ZYG11B: variants seen among roughly 807,000 people sequenced by gnomAD.
ZYG11B encodes zyg-11 family member B, cell cycle regulator.
A neutral mutation model predicts 82.4 loss-of-function variants in ZYG11B; 36 were observed. That is an observed-to-expected ratio of 0.44 (90% CI 0.33 to 0.58). The LOEUF is 0.58. Among genes scored for constraint, ZYG11B ranks in the 20% least tolerant of loss-of-function variants. The pLI, the probability that ZYG11B is intolerant of heterozygous loss-of-function variation, is 0.02. For missense variants in ZYG11B, 552 were observed against 895.6 expected (o/e 0.62, Z 4.90); for synonymous variants, 303 against 312.8 (o/e 0.97, Z 0.33).
intron 13 of ZYG11B, among the ~76,000 whole-genome samples, chr1:52,816,874 C>CG (rs1645229299): frequency 6.6e-6 from 1 of 150,844 alleles, no homozygotes; most frequent in African/African-American, 2.4e-5. Context: ...CTGGAACCTC[C>CG]GCCTCCTGGG....
At position 52,803,277 on chromosome 1, in the gene ZYG11B, C is replaced by CATAT. The variant is rs1259677070; in HGVS notation, c.1695+1139_1695+1140insTATA. On this transcript the variant is annotated intron_variant, in intron 10 of 13. Coordinates refer to ENST00000294353, the MANE Select transcript of ZYG11B (RefSeq NM_024646.3). ...ATATATATATATATACACACACACACACATATATATATATATATATACACA... is the reference window on the plus strand; with the variant it reads ...ATATATATATATATACACACACACACATATACATATATATATATATATATACACA... Among the ~76,000 whole-genome samples, 136 of 106,156 alleles carry CATAT rather than the reference C, an allele frequency of 1.3e-3. 3 individuals carry two copies. The highest frequency in any genetic ancestry group is 5.1e-3 in the African/African-American group (131 of 25,788). The allele number at this position is 106,156 out of a possible 152,430, so 69.6% of individuals were successfully genotyped here.
In ZYG11B at chr1:52,768,903, C is replaced by T. The variant is rs139328543; in HGVS notation, c.197-2117C>T. On this transcript the variant is annotated intron_variant, in intron 2 of 13. Transcript: ENST00000294353. ...GCCACTGCACCTGGCCTACTAACCT[C>T]CTTTCTCTATCTTTGAATTCTTCCA... 5.1e-3 allele frequency among the ~76,000 whole-genome samples: 770 copies of T among 152,236 alleles called. 5 individuals are homozygous for T. The highest frequency in any genetic ancestry group is 8.7e-3 in the Non-Finnish European group (595 of 68,002).
chr1:52,786,141 A>G (rs72893501), intron 5 of ZYG11B, among the ~76,000 whole-genome samples: 182 of 152,376 alleles, frequency 1.2e-3, no homozygotes, highest in African/African-American at 4.2e-3. Flanking sequence ...GAGAGGATCA[A>G]TAATTCCAAG....
rs902078034 is a variant in ZYG11B at position 52,821,763 on chromosome 1, G to A, written c.*134G>A. On this transcript the variant is annotated 3_prime_UTR_variant, in exon 14 of 14. Transcript: ENST00000294353. ...AAAATCAGTTTGGGATTGATAATGT[G>A]TAGTACTGCCCATGTGAACAGTCTC... The A allele has an allele frequency of 6.8e-6, 5 of 735,880 alleles. No homozygotes were observed. In the Admixed American group the frequency reaches 1.2e-4, roughly 18 times the overall value. The allele number at this position is 735,880 out of a possible 1,614,324, so 45.6% of individuals were successfully genotyped here. A position where few individuals can be genotyped will look rare whatever the true frequency, so the allele number is the denominator to read the frequency against.
At position 52,807,481 on chromosome 1, in the gene ZYG11B, G is replaced by T. The variant is rs1046821332; in HGVS notation, c.1695+5342G>T. ...TAATAATAATGTATAGTTCAGAATT[G>T]CTAAGAGTACTTTTTTTTTTTTTTT... On this transcript the variant is annotated intron_variant, in intron 10 of 13. Coordinates refer to ENST00000294353, the MANE Select transcript of ZYG11B (RefSeq NM_024646.3). Among the ~76,000 whole-genome samples, 14 of 146,042 alleles carry T rather than the reference G, an allele frequency of 9.6e-5. No individual in the cohort carries two copies. The South Asian group carries it at 2.6e-3, about 27-fold the overall frequency.
chr1:52,781,797 A>G (rs1644858818), intron 4 of ZYG11B, among the ~76,000 whole-genome samples: 1 of 152,224 alleles, frequency 6.6e-6, no homozygotes, highest in African/African-American at 2.4e-5. Flanking sequence ...TTGATATCCT[A>G]CATATCTTAA....
chr1:52,796,453 TC>T, intron 7 of ZYG11B, 62 bp downstream of exon 7: 1 of 1,362,264 alleles, frequency 7.3e-7, no homozygotes, highest in Non-Finnish European at 1.0e-6. Flanking sequence ...ATTTACTGTT[TC>T]CCCCCAAAAG....
chr1:52,818,982 C>T (rs566378311), intron 13 of ZYG11B, among the ~76,000 whole-genome samples: 1 of 152,060 alleles, frequency 6.6e-6, no homozygotes, highest in South Asian at 2.1e-4. Flanking sequence ...TTAGTAGAGG[C>T]TGGGTTTCAC....
In ZYG11B at chr1:52,763,367, C is replaced by T. The variant is rs147869265; in HGVS notation, c.196+6744C>T. 6.9e-4 allele frequency among the ~76,000 whole-genome samples: 105 copies of T among 152,270 alleles called. 1 individual carries two copies. In the East Asian group the frequency reaches 0.02, roughly 29 times the overall value. On this transcript the variant is annotated intron_variant, in intron 2 of 13. Coordinates refer to ENST00000294353, the MANE Select transcript of ZYG11B (RefSeq NM_024646.3). ...TATTTTGATAGGAATTGCATTGCATCTGTAGATTGCTTTAAGTAGTATGTA... is the reference window on the plus strand; with the variant it reads ...TATTTTGATAGGAATTGCATTGCATTTGTAGATTGCTTTAAGTAGTATGTA...
At chr1:52,750,622 A>G (rs1004169368) in intron 1 of ZYG11B, among the ~76,000 whole-genome samples, 1 of 152,124 alleles carries the variant, frequency 6.6e-6, no homozygotes, top group Admixed American at 6.6e-5. Flanking sequence ...TTCACATACC[A>G]TGCATTTCAC....
chr1:52,729,286 G>T (rs1644310532), intron 1 of ZYG11B, among the ~76,000 whole-genome samples: 2 of 151,398 alleles, frequency 1.3e-5, no homozygotes, highest in African/African-American at 4.9e-5. Flanking sequence ...CCATTACCTT[G>T]GGGGTTAGGA....
chr1:52,815,921 C>A (rs555993929), intron 12 of ZYG11B, among the ~76,000 whole-genome samples: 110 of 151,796 alleles, frequency 7.2e-4, no homozygotes, highest in Non-Finnish European at 1.4e-3. Context: ...GGCGACAGAG[C>A]GAGACTCCGT....
chr1:52,817,817 T>TA (rs1558145372), intron 13 of ZYG11B, among the ~76,000 whole-genome samples: 29 of 8,560 alleles, frequency 3.4e-3, no homozygotes, highest in Middle Eastern at 0.5. Flanking sequence ...ATATATATAT[T>TA]TTTTTTTTTT....
At chr1:52,777,336 A>T (rs1009819390) in intron 3 of ZYG11B, among the ~76,000 whole-genome samples, 3 of 152,242 alleles carry the variant, frequency 2.0e-5, no homozygotes, top group Non-Finnish European at 4.4e-5. Context: ...TCAATACTGT[A>T]GTCTAATTCA....
chr1:52,776,533 C>G lies in ZYG11B; in HGVS notation c.952-3320C>G, dbSNP rs1055488964. 5.2e-4 allele frequency among the ~76,000 whole-genome samples: 48 copies of G among 92,134 alleles called. 1 individual carries two copies. In the South Asian group the frequency reaches 0.016, roughly 31 times the overall value. The allele number at this position is 92,134 out of a possible 152,430, so 60.4% of individuals were successfully genotyped here. ...TGAGCAATAGAGAAAGACTGTGTCT[C>G]AAAAAAAAAAAAAAAAAAATTGGCT... On this transcript the variant is annotated intron_variant, in intron 3 of 13. Coordinates refer to ENST00000294353, the MANE Select transcript of ZYG11B (RefSeq NM_024646.3).
intron 1 of ZYG11B, among the ~76,000 whole-genome samples, chr1:52,735,498 G>A (rs1487970217): frequency 6.6e-6 from 1 of 152,134 alleles, no homozygotes; most frequent in Non-Finnish European, 1.5e-5. Context: ...AGGCAAGGGT[G>A]GAATGAGAAA....
At chr1:52,751,844 A>G (rs1203034094) in intron 1 of ZYG11B, among the ~76,000 whole-genome samples, 4 of 151,958 alleles carry the variant, frequency 2.6e-5, no homozygotes, top group Non-Finnish European at 5.9e-5. Flanking sequence ...TTCCTTCTTT[A>G]TACTCCTTTA....
rs867772702 is a variant in ZYG11B, at chr1:52,817,799, A to G, written c.2044+1170A>G. ...TGTGTATATATATATATATATATAT[A>G]TATATATATATATATATTTTTTTTT... is the stretch of plus-strand genomic sequence containing the variant. On this transcript the variant is annotated intron_variant, in intron 13 of 13. Coordinates refer to ENST00000294353, the MANE Select transcript of ZYG11B (RefSeq NM_024646.3). 2.1e-3 allele frequency among the ~76,000 whole-genome samples: 100 copies of G among 47,652 alleles called. 3 individuals are homozygous for G. Among genetic ancestry groups the G allele is most frequent in the South Asian group, 4.3e-3 (5 of 1,176 alleles). The allele number at this position is 47,652 out of a possible 152,430, so 31.3% of individuals were successfully genotyped here.
At chr1:52,768,736 G>C (rs573329997) in intron 2 of ZYG11B, among the ~76,000 whole-genome samples, 4 of 151,958 alleles carry the variant, frequency 2.6e-5, no homozygotes, top group Non-Finnish European at 5.9e-5. Context: ...TGGTATTACA[G>C]GCGCGCACCA....
Sources: allele counts gnomAD v4.1 joint callset (sites outside exome capture counted in the v4.1 genomes callset), GRCh38; gene constraint gnomAD v4.1.1; transcripts MANE v1.5; gene names NCBI Gene and HGNC (gene_info 2026-07-23, HGNC 2026-07-21).